The following KMT2C variants were observed in gnomAD, a reference collection of about 807,000 sequenced individuals.
The protein encoded by KMT2C is lysine methyltransferase 2C.
KMT2C carries 88 observed loss-of-function variants against 507.9 expected under a neutral mutation model. The ratio of observed to expected loss-of-function variants is 0.17; its 90% CI spans 0.15 to 0.21. KMT2C has a LOEUF of 0.21. KMT2C is among the 10% of genes least tolerant of loss of function. The pLI, the probability that KMT2C is intolerant of heterozygous loss-of-function variation, is 1.00. For missense variants in KMT2C, 4,954 were observed against 5,957.8 expected (o/e 0.83, Z 5.55); for synonymous variants, 2,049 against 2,080.8 (o/e 0.98, Z 0.42).
At chr7:152,387,262 C>G (rs1435639418) in intron 1 of KMT2C, among the ~76,000 whole-genome samples, 1 of 151,564 alleles carries the variant, frequency 6.6e-6, no homozygotes, top group Non-Finnish European at 1.5e-5. Context: ...CTGAGCCATT[C>G]CTTTATACTG....
At chr7:152,154,634 A>G (rs1379779175) in intron 46 of KMT2C, among the ~76,000 whole-genome samples, 189 bp from the exon 47 acceptor site, 2 of 152,230 alleles carry the variant, frequency 1.3e-5, no homozygotes, top group African/African-American at 4.8e-5. Flanking sequence ...TAGTTACAAA[A>G]TAATTTAAAT....
intron 40 of KMT2C, 90 bp downstream of exon 40, chr7:152,171,174 C>T: frequency 1.2e-6 from 1 of 800,026 alleles, no homozygotes; most frequent in Non-Finnish European, 1.9e-6. Context: ...CCTAGTACTA[C>T]TCTCTAGCAG....
chr7:152,313,094 T>A (rs1185643889), intron 4 of KMT2C, among the ~76,000 whole-genome samples: 2 of 152,170 alleles, frequency 1.3e-5, no homozygotes, highest in Non-Finnish European at 2.9e-5. Flanking sequence ...AGACTTTTTT[T>A]AAAAGGTATA....
At chr7:152,290,294 A>ATATATATT (rs1563743352) in intron 6 of KMT2C, among the ~76,000 whole-genome samples, 1 of 21,424 alleles carries the variant, frequency 4.7e-5, no homozygotes, top group Non-Finnish European at 7.7e-5. Flanking sequence ...ATATATATAT[A>ATATATATT]TTTTTTTTTT....
chr7:152,239,048 T>G, intron 14 of KMT2C: 1 of 407,600 alleles, frequency 2.5e-6, no homozygotes, highest in Non-Finnish European at 4.4e-6. Context: ...AAATATTTTA[T>G]TCTGCCTGAG....
At chr7:152,307,312 G>A (rs946153096) in intron 6 of KMT2C, among the ~76,000 whole-genome samples, 1 of 105,806 alleles carries the variant, frequency 9.5e-6, no homozygotes. Flanking sequence ...GAAGGAAGAC[G>A]AAGGACAGAA....
Position 152,172,846 on chromosome 7 carries a change from G to C in KMT2C, c.9374+1285C>G, listed in dbSNP as rs561963395. On this transcript the variant is annotated intron_variant, in intron 39 of 58. Coordinates refer to ENST00000262189, the MANE Select transcript of KMT2C (RefSeq NM_170606.3). ...AGTGTTGCAGGCACCTAATAGATTA[G>C]TTATGTTCATCATTACTTTCAAATT... 2.2e-3 allele frequency among the ~76,000 whole-genome samples: 339 copies of C among 152,184 alleles called. 1 individual carries two copies. The highest frequency in any genetic ancestry group is 3.8e-3 in the Non-Finnish European group (259 of 68,006).
intron 1 of KMT2C, among the ~76,000 whole-genome samples, chr7:152,362,632 TTTAAC>T (rs1191812078): frequency 2.0e-5 from 3 of 152,226 alleles, no homozygotes; most frequent in African/African-American, 7.2e-5. Flanking sequence ...TAGCTGACTT[TTTAAC>T]TTAATCTCTC....
chr7:152,190,056 G>A (rs979500945), intron 31 of KMT2C, among the ~76,000 whole-genome samples: 1 of 152,166 alleles, frequency 6.6e-6, no homozygotes, highest in Non-Finnish European at 1.5e-5. Context: ...GTGCATGCGA[G>A]CATGTTCCTA....
chr7:152,413,555 A>G (rs927264289), intron 1 of KMT2C, among the ~76,000 whole-genome samples: 15 of 152,180 alleles, frequency 9.9e-5, no homozygotes, highest in African/African-American at 2.2e-4. Flanking sequence ...AAAATTCTAC[A>G]TAAGTTTCCA....
At chr7:152,172,558 T>C (rs1467186431) in intron 39 of KMT2C, among the ~76,000 whole-genome samples, 1 of 152,156 alleles carries the variant, frequency 6.6e-6, no homozygotes, top group Admixed American at 6.5e-5. Context: ...TAGCTGCGCA[T>C]GGTGGCACGT....
At chr7:152,221,598 T>C (rs1325412373) in intron 22 of KMT2C, among the ~76,000 whole-genome samples, 1 of 152,198 alleles carries the variant, frequency 6.6e-6, no homozygotes, top group Non-Finnish European at 1.5e-5. Context: ...AGAATGACTG[T>C]TTAATAAGAA....
intron 23 of KMT2C, among the ~76,000 whole-genome samples, chr7:152,218,911 C>T (rs1467665083): frequency 6.6e-6 from 1 of 152,114 alleles, no homozygotes; most frequent in Admixed American, 6.6e-5. Context: ...TCTTTAAAAT[C>T]TGTGCTCAAA....
At chr7:152,398,331 A>G (rs2097549601) in intron 1 of KMT2C, among the ~76,000 whole-genome samples, 1 of 152,236 alleles carries the variant, frequency 6.6e-6, no homozygotes, top group Non-Finnish European at 1.5e-5. Flanking sequence ...AGAATGAGAT[A>G]GATGTGTATA....
chr7:152,215,688 T>TATATATATATATAC (rs766518165), intron 23 of KMT2C, among the ~76,000 whole-genome samples: 4 of 134,432 alleles, frequency 3.0e-5, no homozygotes, highest in African/African-American at 1.4e-4. Flanking sequence ...TATATATATA[T>TATATATATATATAC]ACACACACAC....
intron 1 of KMT2C, among the ~76,000 whole-genome samples, chr7:152,426,624 T>C (rs2097822332): frequency 6.6e-6 from 1 of 152,190 alleles, no homozygotes; most frequent in East Asian, 1.9e-4. Context: ...TGATAATTGA[T>C]GATTAGTGGC....
intron 9 of KMT2C, among the ~76,000 whole-genome samples, chr7:152,256,604 T>C (rs900366455): frequency 6.6e-6 from 1 of 152,150 alleles, no homozygotes; most frequent in African/African-American, 2.4e-5. Context: ...TGGCAGAAAG[T>C]ATCTGCATCA....
chr7:152,199,360 T>G lies in KMT2C; in HGVS notation c.4192A>C (p.Asn1398His). The G allele has an allele frequency of 6.2e-7, 1 of 1,606,706 alleles. No individual in the cohort carries two copies. The highest frequency in any genetic ancestry group is 8.5e-7 in the Non-Finnish European group (1 of 1,177,616). The change falls in exon 27 of 59, where the codon AAC becomes CAC. Residue 1398 changes from asparagine to histidine, a missense_variant. Asn to His is a moderately conservative substitution (Grantham distance 68, BLOSUM62 1). This residue lies in a region of KMT2C where 140 missense variants were observed against 118.4 expected (regional missense o/e 1.18). Coordinates refer to ENST00000262189, the MANE Select transcript of KMT2C (RefSeq NM_170606.3). ...EDGAQLLYKT[N>H]MNTGFLDPSL... ...GGATCCAAGAAACCTGTGTTCATGT[T>G]TGTTTTATATAAAAGCTGAGCTCCA...
chr7:152,173,494 A>G (rs1000419900), intron 39 of KMT2C, among the ~76,000 whole-genome samples: 1 of 152,200 alleles, frequency 6.6e-6, no homozygotes, highest in East Asian at 1.9e-4. Flanking sequence ...AAATTACCCC[A>G]TAATTCTCAT....
Sources: allele counts gnomAD v4.1 joint callset (sites outside exome capture counted in the v4.1 genomes callset), GRCh38; gene constraint gnomAD v4.1.1; regional missense constraint gnomAD v4.1.1; transcripts MANE v1.5; gene names NCBI Gene and HGNC (gene_info 2026-07-23, HGNC 2026-07-21).